The following GRIA4 variants were observed in gnomAD, a reference collection of about 807,000 sequenced individuals.
The protein encoded by GRIA4 is glutamate receptor 4.
In GRIA4, 34 loss-of-function variants were observed where a neutral mutation model predicts 104.0. The observed-to-expected ratio is 0.33, with a 90% confidence interval of 0.25 to 0.44. The LOEUF (loss-of-function observed/expected upper bound fraction) is 0.44, where lower values mean the gene tolerates loss of function less well. GRIA4 is among the 20% of genes least tolerant of loss of function. The probability of loss-of-function intolerance (pLI) is 1.00; values close to 1 mark genes in which losing one functional copy is unlikely to be tolerated. For missense variants in GRIA4, 750 were observed against 1,096.5 expected (o/e 0.68, Z 4.46); for synonymous variants, 386 against 381.9 (o/e 1.01, Z -0.13).
intron 14 of GRIA4, among the ~76,000 whole-genome samples, chr11:105,941,752 A>G (rs1948184685): frequency 6.6e-6 from 1 of 152,158 alleles, no homozygotes; most frequent in Admixed American, 6.6e-5. Flanking sequence ...ATGAGAGTAT[A>G]TAGCCCCCTT....
intron 14 of GRIA4, among the ~76,000 whole-genome samples, chr11:105,958,280 C>A (rs889591147): frequency 2.0e-5 from 3 of 152,066 alleles, no homozygotes; most frequent in African/African-American, 7.2e-5. Flanking sequence ...TTTTGAGATA[C>A]GTCCCATCAA....
intron 3 of GRIA4, among the ~76,000 whole-genome samples, chr11:105,697,329 C>T (rs902777911): frequency 1.3e-5 from 2 of 152,018 alleles, no homozygotes; most frequent in African/African-American, 4.8e-5. Flanking sequence ...AATGCATGTA[C>T]AAGTGTATAT....
intron 3 of GRIA4, among the ~76,000 whole-genome samples, chr11:105,724,035 G>A (rs1274262470): frequency 6.6e-6 from 1 of 152,034 alleles, no homozygotes; most frequent in Non-Finnish European, 1.5e-5. Flanking sequence ...AGGATGCAGA[G>A]AAAAGGGAAT....
At chr11:105,850,785 T>A (rs940885609) in intron 4 of GRIA4, among the ~76,000 whole-genome samples, 1 of 152,150 alleles carries the variant, frequency 6.6e-6, no homozygotes, top group Non-Finnish European at 1.5e-5. Flanking sequence ...ATACGCTCAA[T>A]GTAAAGAGCA....
chr11:105,815,593 C>T (rs1565258474), intron 4 of GRIA4, among the ~76,000 whole-genome samples: 1 of 152,010 alleles, frequency 6.6e-6, no homozygotes, highest in Non-Finnish European at 1.5e-5. Context: ...GCCGCTCCAG[C>T]TGTTACTGCC....
rs550456844 is a variant in GRIA4 at position 105,872,542 on chromosome 11, C to T, written c.672+10334C>T. Among the ~76,000 whole-genome samples the T allele has an allele frequency of 7.2e-5, 11 of 152,180 alleles. No individual in the cohort carries two copies. In the South Asian group the frequency reaches 1.7e-3, roughly 23 times the overall value. ...ACAATTTCATCTTCAACATATTTGA[C>T]GTTAAAATTCAGCAAGTATTCCTCC... On this transcript the variant is annotated intron_variant, in intron 5 of 16. Transcript: ENST00000282499.
chr11:105,932,538 AAT>A (rs1947911374), intron 13 of GRIA4, among the ~76,000 whole-genome samples: 1 of 152,174 alleles, frequency 6.6e-6, no homozygotes, highest in Admixed American at 6.6e-5. Flanking sequence ...ATTTAATGCA[AAT>A]GCAGATAACA....
chr11:105,697,019 C>T (rs746483324), intron 3 of GRIA4, among the ~76,000 whole-genome samples: 25 of 152,176 alleles, frequency 1.6e-4, no homozygotes, highest in South Asian at 6.2e-4. Context: ...CTGCTTTGGC[C>T]TCCCAAAGTG....
At chr11:105,695,442 G>A (rs11226826) in intron 3 of GRIA4, among the ~76,000 whole-genome samples, 146,526 of 151,414 alleles carry the variant, frequency 0.97, 71,044 homozygotes, top group Non-Finnish European at 1. Context: ...GAGTGTATGC[G>A]TGCGTGTGTG....
intron 4 of GRIA4, among the ~76,000 whole-genome samples, chr11:105,755,052 C>G (rs998824802): frequency 1.4e-4 from 22 of 152,000 alleles, no homozygotes; most frequent in African/African-American, 4.8e-4. Flanking sequence ...TTTTCAGAAA[C>G]CTGGGGAACA....
chr11:105,735,891 A>T (rs1938907216), intron 3 of GRIA4, among the ~76,000 whole-genome samples: 2 of 152,208 alleles, frequency 1.3e-5, no homozygotes, highest in South Asian at 4.1e-4. Context: ...ACCAGGTTAA[A>T]ATGAGCACTG....
intron 5 of GRIA4, among the ~76,000 whole-genome samples, chr11:105,880,413 G>A (rs1035023157): frequency 1.3e-5 from 2 of 152,126 alleles, no homozygotes; most frequent in Admixed American, 6.5e-5. Flanking sequence ...GGCATGGAAC[G>A]AACACAGGAC....
chr11:105,799,746 A>T (rs916297510), intron 4 of GRIA4, among the ~76,000 whole-genome samples: 2 of 152,138 alleles, frequency 1.3e-5, no homozygotes, highest in Non-Finnish European at 2.9e-5. Context: ...CATCTGCTGA[A>T]ATCAAAGATG....
intron 5 of GRIA4, among the ~76,000 whole-genome samples, chr11:105,869,187 A>C (rs1161259801): frequency 1.3e-5 from 2 of 152,154 alleles, no homozygotes; most frequent in East Asian, 3.8e-4. Flanking sequence ...AAAGGATATA[A>C]GTTTTTTCAA....
intron 4 of GRIA4, among the ~76,000 whole-genome samples, chr11:105,841,517 C>T (rs556116327): frequency 3.9e-5 from 6 of 151,962 alleles, no homozygotes; most frequent in South Asian, 2.1e-4. Flanking sequence ...TAGTGTGGAG[C>T]GTTTTCTGGG....
rs186463159 is a variant in GRIA4, at chr11:105,906,889, G to A, written c.1158+1588G>A. The stretch of plus-strand genomic sequence containing the variant: ...GGGGAGCAGATAGGATATTCCACAG[G>A]CCCCTAAAAATGTTAACAGGTGGAC... On this transcript the variant is annotated intron_variant, in intron 9 of 16. Transcript: ENST00000282499. 2.0e-5 allele frequency among the ~76,000 whole-genome samples: 3 copies of A among 152,240 alleles called. No homozygotes were observed. In the East Asian group the frequency reaches 5.8e-4, roughly 29 times the overall value.
chr11:105,974,109 A>T (rs3737334), intron 15 of GRIA4, among the ~76,000 whole-genome samples: 9,891 of 152,270 alleles, frequency 0.065, 449 homozygotes, highest in East Asian at 0.15. Context: ...CAATTTGTTG[A>T]TAACTATTAT....
intron 4 of GRIA4, among the ~76,000 whole-genome samples, chr11:105,818,098 C>T (rs1302536782): frequency 6.6e-6 from 1 of 151,732 alleles, no homozygotes; most frequent in African/African-American, 2.4e-5. Flanking sequence ...AAAAAGTGAC[C>T]AAAATAAAAT....
rs183013230 is a variant in GRIA4 at position 105,865,388 on chromosome 11, A to G, written c.672+3180A>G. ...CTCATTTGCAGAAACAAGCCTTGAA[A>G]AGAAATCTAAAATGAGAAGTATTTT... On this transcript the variant is annotated intron_variant, in intron 5 of 16. Transcript: ENST00000282499. Among the ~76,000 whole-genome samples, 25 of 152,338 alleles carry G rather than the reference A, an allele frequency of 1.6e-4. No homozygotes were observed. The East Asian group carries it at 4.6e-3, about 28-fold the overall frequency.
Sources: gnomAD v4.1 joint callset for allele counts (sites outside exome capture counted in the v4.1 genomes callset) on GRCh38, gnomAD v4.1.1 for gene constraint, MANE v1.5 for transcripts, NCBI Gene and HGNC (gene_info 2026-07-23, HGNC 2026-07-21) for gene names.